ST3GAL2: variants seen among roughly 807,000 people sequenced by gnomAD.
The protein encoded by ST3GAL2 is CMP-N-acetylneuraminate-beta-galactosamide-alpha-2,3-sialyltransferase 2.
ST3GAL2 carries 16 observed loss-of-function variants against 37.5 expected under a neutral mutation model. That is an observed-to-expected ratio of 0.43 (90% CI 0.29 to 0.65). The LOEUF (loss-of-function observed/expected upper bound fraction) is 0.65, where lower values mean the gene tolerates loss of function less well. Ranked by LOEUF, ST3GAL2 falls within the 30% of genes least tolerant of loss-of-function variation. The probability of loss-of-function intolerance (pLI) is 0.17; values close to 1 mark genes in which losing one functional copy is unlikely to be tolerated. For synonymous variants in ST3GAL2, 238 were observed against 202.9 expected (o/e 1.17, Z -1.47); for missense variants, 383 against 487.8 (o/e 0.79, Z 2.02).
intron 2 of ST3GAL2, among the ~76,000 whole-genome samples, chr16:70,395,972 CTTTTT>C (rs11353666): frequency 7.1e-6 from 1 of 141,672 alleles, no homozygotes. Context: ...ATGAAATACT[CTTTTT>C]TTTTTTTTTT....
chr16:70,377,834 A>C lies in ST3GAL2; in HGVS notation c.*3855T>G, dbSNP rs1449139673. 6.6e-6 allele frequency: 1 copy of C among 152,096 alleles called. No individual in the cohort carries two copies. The highest frequency in any genetic ancestry group is 1.5e-5 in the Non-Finnish European group (1 of 68,032). 9.4% of individuals were successfully genotyped at this position (152,096 alleles called of 1,614,324 possible). A position where few individuals can be genotyped will look rare whatever the true frequency, so the allele number is the denominator to read the frequency against. ...CAAAACTCCATCTCAAAAATAAAAAAATATAAGCAACCAGGAGTGAAACAC... is the reference window on the plus strand; with the variant it reads ...CAAAACTCCATCTCAAAAATAAAAACATATAAGCAACCAGGAGTGAAACAC... On this transcript the variant is annotated 3_prime_UTR_variant, in exon 7 of 7. Transcript: ENST00000342907.
chr16:70,427,863 T>A (rs919851572), intron 1 of ST3GAL2, among the ~76,000 whole-genome samples: 5 of 152,158 alleles, frequency 3.3e-5, no homozygotes, highest in Non-Finnish European at 7.4e-5. Flanking sequence ...CCTCCAGCAG[T>A]CCTAACCACT....
At chr16:70,401,090 G>C (rs914238007) in intron 1 of ST3GAL2, 1 of 152,324 alleles carries the variant, frequency 6.6e-6, no homozygotes, top group Non-Finnish European at 1.5e-5. Context: ...CCAGCTTCCT[G>C]TGACCTGAGG....
chr16:70,385,262 C>T (rs1047385103), intron 4 of ST3GAL2, among the ~76,000 whole-genome samples: 17 of 152,142 alleles, frequency 1.1e-4, no homozygotes, highest in Admixed American at 3.3e-4. Context: ...CGCCATTGCA[C>T]TCCAGCCTGG....
At chr16:70,419,773 C>A (rs901712999) in intron 1 of ST3GAL2, among the ~76,000 whole-genome samples, 4 of 152,264 alleles carry the variant, frequency 2.6e-5, no homozygotes, top group Admixed American at 6.5e-5. Context: ...CATCATCAGC[C>A]CCAGTCATGG....
chr16:70,418,772 T>C (rs1299458632), intron 1 of ST3GAL2, among the ~76,000 whole-genome samples: 1 of 152,180 alleles, frequency 6.6e-6, no homozygotes, highest in Non-Finnish European at 1.5e-5. Flanking sequence ...CTGTGCACTC[T>C]GCTGTCCTCC....
chr16:70,412,766 G>C lies in ST3GAL2; in HGVS notation c.-1003-13233C>G, dbSNP rs548608368. Among the ~76,000 whole-genome samples the C allele has an allele frequency of 3.9e-5, 6 of 152,212 alleles. No individual in the cohort carries two copies. In the South Asian group the frequency reaches 1.2e-3, roughly 32 times the overall value. ...TTATCTCTTTAAATATTATTTCTAG[G>C]CTGGGCATGGTGGCTCATACCTGTA... On this transcript the variant is annotated intron_variant, in intron 1 of 6. Transcript: ENST00000342907.
chr16:70,410,935 A>C (rs1033132195), intron 1 of ST3GAL2, among the ~76,000 whole-genome samples: 1 of 151,262 alleles, frequency 6.6e-6, no homozygotes, highest in Non-Finnish European at 1.5e-5. Context: ...CTAAGGACCC[A>C]GTCCTGGCAG....
At chr16:70,407,939 G>A (rs1597567484) in intron 1 of ST3GAL2, among the ~76,000 whole-genome samples, 2 of 152,122 alleles carry the variant, frequency 1.3e-5, no homozygotes, top group African/African-American at 4.8e-5. Flanking sequence ...ATAAGGCACG[G>A]AGCCTGGGGG....
intron 6 of ST3GAL2, 127 bp from the exon 7 acceptor site, chr16:70,381,989 G>T: frequency 8.2e-7 from 1 of 1,226,118 alleles, no homozygotes; most frequent in Non-Finnish European, 1.1e-6. Context: ...CCCAGGCCTG[G>T]CCTAAGGACA....
chr16:70,411,975 CAA>C (rs1279583581), intron 1 of ST3GAL2, among the ~76,000 whole-genome samples: 1 of 148,656 alleles, frequency 6.7e-6, no homozygotes, highest in Non-Finnish European at 1.5e-5. Context: ...GCCTGGGCAA[CAA>C]GAGCGAAACT....
At chr16:70,382,722 C>T (rs1567664444) in intron 6 of ST3GAL2, 83 bp downstream of exon 6, 13 of 1,581,322 alleles carry the variant, frequency 8.2e-6, no homozygotes, top group Non-Finnish European at 1.1e-5. Context: ...AAGCACATTC[C>T]TCTGTTAGCC....
At chr16:70,408,385 G>A (rs948333982) in intron 1 of ST3GAL2, among the ~76,000 whole-genome samples, 15 of 152,028 alleles carry the variant, frequency 9.9e-5, no homozygotes, top group Non-Finnish European at 1.8e-4. Context: ...ACCCAAACCA[G>A]GCAGAAGGAG....
chr16:70,397,281 T>C (rs1452926425), intron 2 of ST3GAL2, among the ~76,000 whole-genome samples: 1 of 151,212 alleles, frequency 6.6e-6, no homozygotes, highest in Non-Finnish European at 1.5e-5. Context: ...GACCTCATGA[T>C]CCGTCCGCCC....
At chr16:70,426,725 G>C (rs1302131402) in intron 1 of ST3GAL2, among the ~76,000 whole-genome samples, 1 of 151,950 alleles carries the variant, frequency 6.6e-6, no homozygotes, top group Non-Finnish European at 1.5e-5. Context: ...GGTCAGGCTG[G>C]TCTTGAACTC....
At chr16:70,396,025 G>C (rs372022674) in intron 2 of ST3GAL2, among the ~76,000 whole-genome samples, 2 of 150,064 alleles carry the variant, frequency 1.3e-5, no homozygotes, top group East Asian at 3.9e-4. Flanking sequence ...AGGCTGGAGT[G>C]CAATGGCGCG....
At chr16:70,438,502 G>C (rs1004280975) in intron 1 of ST3GAL2, among the ~76,000 whole-genome samples, 1 of 152,172 alleles carries the variant, frequency 6.6e-6, no homozygotes, top group East Asian at 1.9e-4. Flanking sequence ...GGGGAGAGAG[G>C]AAAGAGGAGC....
At chr16:70,426,014 G>A (rs375520682) in intron 1 of ST3GAL2, among the ~76,000 whole-genome samples, 1 of 152,108 alleles carries the variant, frequency 6.6e-6, no homozygotes, top group Non-Finnish European at 1.5e-5. Context: ...CCCAACCACA[G>A]GGAAGCCTCA....
rs567088871 is a variant in ST3GAL2, at chr16:70,408,634, G to C, written c.-1003-9101C>G. Among the ~76,000 whole-genome samples, 109 of 151,764 alleles carry C rather than the reference G, an allele frequency of 7.2e-4. 1 individual carries two copies. The highest frequency in any genetic ancestry group is 2.5e-3 in the African/African-American group (105 of 41,380). On this transcript the variant is annotated intron_variant, in intron 1 of 6. Transcript: ENST00000342907. ...TTCCACTCCGCAGCACCAAACCCTC[G>C]GGCAGCCCCTCCCTTCCTGCAGGAC...
Sources: allele counts gnomAD v4.1 joint callset (sites outside exome capture counted in the v4.1 genomes callset), GRCh38; gene constraint gnomAD v4.1.1; transcripts MANE v1.5; gene names NCBI Gene and HGNC (gene_info 2026-07-23, HGNC 2026-07-21).